SPTSSA: variants seen among roughly 807,000 people sequenced by gnomAD.
SPTSSA encodes serine palmitoyltransferase small subunit A.
In SPTSSA, 8 loss-of-function variants were observed where a neutral mutation model predicts 9.1. That is an observed-to-expected ratio of 0.88 (90% CI 0.51 to 1.58). The LOEUF is 1.58. Among genes scored for constraint, SPTSSA ranks in the 40% most tolerant of loss-of-function variants. SPTSSA has a pLI of 0.00. For missense variants in SPTSSA, 100 were observed against 93.8 expected (o/e 1.07, Z -0.27); for synonymous variants, 42 against 37.7 (o/e 1.11, Z -0.41).
intron 1 of SPTSSA, 24 bp downstream of exon 1, chr14:34,462,070 CCG>C (rs761705792): frequency 2.9e-5 from 39 of 1,359,150 alleles, no homozygotes; most frequent in South Asian, 2.3e-4. Context: ...AGCCCGGCCC[CCG>C]CGCGCGCGGC....
intron 1 of SPTSSA, among the ~76,000 whole-genome samples, chr14:34,443,249 A>T: frequency 2.0e-5 from 1 of 49,608 alleles, no homozygotes; most frequent in South Asian, 1.1e-3. Flanking sequence ...TTTGAGATGG[A>T]GTTTTCCTCT....
In SPTSSA at chr14:34,433,668, A is replaced by T. The variant is rs964766900; in HGVS notation, c.*1533T>A. ...CTAGTCCTTAAAACGTAGGGCAAAA[A>T]ATACCTCAATTTTGGCCGGGCGCGG... On this transcript the variant is annotated 3_prime_UTR_variant, in exon 2 of 2. Coordinates refer to ENST00000298130, the MANE Select transcript of SPTSSA (RefSeq NM_138288.4). 3.9e-5 allele frequency: 6 copies of T among 152,244 alleles called. No individual in the cohort carries two copies. Among genetic ancestry groups the T allele is most frequent in the African/African-American group, 1.4e-4 (6 of 41,524 alleles). 9.4% of individuals were successfully genotyped at this position (152,244 alleles called of 1,614,324 possible). A position where few individuals can be genotyped will look rare whatever the true frequency, so the allele number is the denominator to read the frequency against.
At chr14:34,441,717 C>G (rs1283810134) in intron 1 of SPTSSA, among the ~76,000 whole-genome samples, 2 of 152,078 alleles carry the variant, frequency 1.3e-5, no homozygotes, top group Non-Finnish European at 2.9e-5. Flanking sequence ...GTGGGTAGCA[C>G]CTAAACATGG....
chr14:34,461,161 C>T (rs1187330102), intron 1 of SPTSSA, among the ~76,000 whole-genome samples: 1 of 152,090 alleles, frequency 6.6e-6, no homozygotes, highest in Non-Finnish European at 1.5e-5. Flanking sequence ...TGTGAAATAC[C>T]TGTTTTGTAT....
chr14:34,459,208 G>C (rs980318396), intron 1 of SPTSSA, among the ~76,000 whole-genome samples: 1 of 151,732 alleles, frequency 6.6e-6, no homozygotes, highest in East Asian at 1.9e-4. Context: ...CAAGGCAGGC[G>C]GATCACTTGA....
chr14:34,435,041 A>G lies in SPTSSA; in HGVS notation c.*160T>C. ...AAATTAAAAATAAAGAACACAACAC[A>G]TGAGTCAGGATGATTTTCCTGTTCT... On this transcript the variant is annotated 3_prime_UTR_variant, in exon 2 of 2. Coordinates refer to ENST00000298130, the MANE Select transcript of SPTSSA (RefSeq NM_138288.4). 2.0e-6 allele frequency: 1 copy of G among 501,992 alleles called. No individual in the cohort carries two copies. Among genetic ancestry groups the G allele is most frequent in the Middle Eastern group, 5.4e-4 (1 of 1,860 alleles). 31.1% of individuals were successfully genotyped at this position (501,992 alleles called of 1,614,324 possible). A position where few individuals can be genotyped will look rare whatever the true frequency, so the allele number is the denominator to read the frequency against.
At chr14:34,460,844 G>A (rs1298869446) in intron 1 of SPTSSA, among the ~76,000 whole-genome samples, 1 of 152,182 alleles carries the variant, frequency 6.6e-6, no homozygotes, top group Non-Finnish European at 1.5e-5. Flanking sequence ...TATATTCAGA[G>A]TCTAAATCCA....
At chr14:34,443,173 T>TGTGTGTGTGTG (rs1883353515) in intron 1 of SPTSSA, among the ~76,000 whole-genome samples, 2 of 32,004 alleles carry the variant, frequency 6.2e-5, no homozygotes, top group African/African-American at 1.8e-4. Context: ...GTGTGTGTGT[T>TGTGTGTGTGTG]TTGAGATTGA....
intron 1 of SPTSSA, among the ~76,000 whole-genome samples, chr14:34,461,646 T>C (rs1878616601): frequency 6.6e-6 from 1 of 152,224 alleles, no homozygotes; most frequent in Non-Finnish European, 1.5e-5. Flanking sequence ...CTGACTAGAA[T>C]TCTTGGTAGA....
Position 34,452,546 on chromosome 14 carries a change from G to A in SPTSSA, c.112+9550C>T, listed in dbSNP as rs113508297. Among the ~76,000 whole-genome samples the A allele has an allele frequency of 1.4e-3, 220 of 152,258 alleles. 2 individuals carry two copies. The highest frequency in any genetic ancestry group is 4.7e-3 in the African/African-American group (194 of 41,556). On this transcript the variant is annotated intron_variant, in intron 1 of 1. Transcript: ENST00000298130. The stretch of plus-strand genomic sequence containing the variant: ...TTTAGAAACTACAACTTGATGACAA[G>A]CTCTTTTAAAACTAAACAAACAACA...
At chr14:34,459,298 A>C (rs564102400) in intron 1 of SPTSSA, among the ~76,000 whole-genome samples, 1 of 149,706 alleles carries the variant, frequency 6.7e-6, no homozygotes, top group Non-Finnish European at 1.5e-5. Context: ...GCCTCTATTA[A>C]AAATACAAAA....
intron 1 of SPTSSA, among the ~76,000 whole-genome samples, chr14:34,445,498 C>A (rs542717104): frequency 4.5e-4 from 68 of 152,028 alleles, no homozygotes; most frequent in Admixed American, 1.0e-3. Flanking sequence ...AAGACTCTGT[C>A]TCAAAAAAAT....
At chr14:34,455,335 C>G (rs535735763) in intron 1 of SPTSSA, among the ~76,000 whole-genome samples, 1 of 151,608 alleles carries the variant, frequency 6.6e-6, no homozygotes, top group East Asian at 1.9e-4. Context: ...TGCAAGGAGC[C>G]AAGTTCGCAC....
chr14:34,452,337 G>A (rs1277352013), intron 1 of SPTSSA, among the ~76,000 whole-genome samples: 1 of 151,736 alleles, frequency 6.6e-6, no homozygotes, highest in Non-Finnish European at 1.5e-5. Context: ...TGAAACAAGT[G>A]GAAAATATTA....
rs762504678 is a variant in SPTSSA, at chr14:34,462,190, C to T, written c.18G>A (p.Leu6=). The T allele has an allele frequency of 2.0e-6, 3 of 1,532,150 alleles. No individual in the cohort carries two copies. The highest frequency in any genetic ancestry group is 1.7e-4 in the Middle Eastern group (1 of 5,726). The allele number at this position is 1,532,150 out of a possible 1,614,324, so 94.9% of individuals were successfully genotyped here. A position where few individuals can be genotyped will look rare whatever the true frequency, so the allele number is the denominator to read the frequency against. ...AGGACATCTGCTTCCAGGCCCGCGC[C>T]AGCGCCATCCCCGCCATGCGCCTCC... MAGMA[L]ARAWKQMSWF... is the part of the protein sequence containing the mutation. The change falls in exon 1 of 2, where the codon CTG becomes CTA. Residue 6 remains leucine (L), a synonymous_variant. Coordinates refer to ENST00000298130, the MANE Select transcript of SPTSSA (RefSeq NM_138288.4).
At chr14:34,440,702 T>A (rs1175179998) in intron 1 of SPTSSA, among the ~76,000 whole-genome samples, 1 of 152,002 alleles carries the variant, frequency 6.6e-6, no homozygotes, top group Non-Finnish European at 1.5e-5. Flanking sequence ...GCCAACATGG[T>A]GAAACCCCAT....
intron 1 of SPTSSA, among the ~76,000 whole-genome samples, chr14:34,461,780 G>A (rs1369466195): frequency 1.3e-5 from 2 of 152,156 alleles, no homozygotes; most frequent in Non-Finnish European, 1.5e-5. Context: ...AGGCAGTTGC[G>A]GCCGAAGTGC....
In SPTSSA at chr14:34,433,657, G is replaced by A. The variant is rs960912156; in HGVS notation, c.*1544C>T. On this transcript the variant is annotated 3_prime_UTR_variant, in exon 2 of 2. Transcript: ENST00000298130. ...ACTTCAAAAGTCTAGTCCTTAAAAC[G>A]TAGGGCAAAAAATACCTCAATTTTG... The A allele has an allele frequency of 1.6e-4, 24 of 151,912 alleles. No homozygotes were observed. Among genetic ancestry groups the A allele is most frequent in the African/African-American group, 5.1e-4 (21 of 41,430 alleles). The allele number at this position is 151,912 out of a possible 1,614,324, so 9.4% of individuals were successfully genotyped here.
intron 1 of SPTSSA, among the ~76,000 whole-genome samples, chr14:34,444,235 C>T (rs1422689247): frequency 6.6e-6 from 1 of 150,740 alleles, no homozygotes; most frequent in Non-Finnish European, 1.5e-5. Context: ...GTAAAAATGT[C>T]TTCAAAATGT....
Sources: allele counts gnomAD v4.1 joint callset (sites outside exome capture counted in the v4.1 genomes callset), GRCh38; gene constraint gnomAD v4.1.1; transcripts MANE v1.5; gene names NCBI Gene and HGNC (gene_info 2026-07-23, HGNC 2026-07-21).